The following PPP1R12B variants were observed in gnomAD, a reference collection of about 807,000 sequenced individuals.
PPP1R12B encodes protein phosphatase 1 regulatory subunit 12B.
Under a neutral mutation model 126.1 loss-of-function variants are expected in PPP1R12B, and 76 were observed. That is an observed-to-expected ratio of 0.60 (90% CI 0.50 to 0.73). The LOEUF (loss-of-function observed/expected upper bound fraction) is 0.73, where lower values mean the gene tolerates loss of function less well. Among genes scored for constraint, PPP1R12B ranks in the 30% least tolerant of loss-of-function variants. The probability of loss-of-function intolerance (pLI) is 0.00; values close to 1 mark genes in which losing one functional copy is unlikely to be tolerated. For missense variants in PPP1R12B, 1,052 were observed against 1,205.1 expected (o/e 0.87, Z 1.88); for synonymous variants, 356 against 434.7 (o/e 0.82, Z 2.25).
At chr1:202,541,722 C>A (rs1685148544) in intron 18 of PPP1R12B, among the ~76,000 whole-genome samples, 1 of 152,140 alleles carries the variant, frequency 6.6e-6, no homozygotes, top group African/African-American at 2.4e-5. Flanking sequence ...TGTTTGGTGA[C>A]CTTCCCCCAT....
intron 9 of PPP1R12B, among the ~76,000 whole-genome samples, chr1:202,437,102 C>T (rs907390729): frequency 2.0e-5 from 3 of 152,042 alleles, no homozygotes; most frequent in South Asian, 2.1e-4. Context: ...GGCTGAGATG[C>T]GAGGATTGCT....
chr1:202,500,286 C>T (rs1680070482), intron 18 of PPP1R12B, among the ~76,000 whole-genome samples: 1 of 151,848 alleles, frequency 6.6e-6, no homozygotes, highest in South Asian at 2.1e-4. Flanking sequence ...ATATCTGCAC[C>T]CCTATGTTTA....
At chr1:202,523,093 CCATG>C (rs1230564053) in intron 18 of PPP1R12B, among the ~76,000 whole-genome samples, 2 of 152,118 alleles carry the variant, frequency 1.3e-5, no homozygotes, top group African/African-American at 4.8e-5. Context: ...TGTATTGTGA[CCATG>C]CTAAATGAAA....
chr1:202,425,488 T>G, intron 3 of PPP1R12B, 78 bp from the exon 4 acceptor site: 1 of 1,467,956 alleles, frequency 6.8e-7, no homozygotes, highest in Non-Finnish European at 9.4e-7. Context: ...TATGATGTGC[T>G]TTAATCTAAG....
chr1:202,463,399 A>G (rs1184348692), intron 13 of PPP1R12B, among the ~76,000 whole-genome samples: 1 of 152,202 alleles, frequency 6.6e-6, no homozygotes, highest in Non-Finnish European at 1.5e-5. Context: ...TGGCACTGTT[A>G]TTCTTAAGTT....
intron 2 of PPP1R12B, among the ~76,000 whole-genome samples, chr1:202,420,174 C>T (rs1668569025): frequency 6.6e-6 from 1 of 152,076 alleles, no homozygotes; most frequent in Non-Finnish European, 1.5e-5. Context: ...AAATTAGGGT[C>T]CCAAGTTTTT....
chr1:202,440,627 T>C (rs1163760255), intron 10 of PPP1R12B, 79 bp from the exon 11 acceptor site: 3 of 1,043,386 alleles, frequency 2.9e-6, no homozygotes, highest in African/African-American at 3.2e-5. Flanking sequence ...GTATATTAAG[T>C]TCTGCTTTTT....
At chr1:202,462,199 T>A (rs536827127) in intron 13 of PPP1R12B, among the ~76,000 whole-genome samples, 1 of 152,180 alleles carries the variant, frequency 6.6e-6, no homozygotes, top group Non-Finnish European at 1.5e-5. Context: ...AAAAATAACA[T>A]TAGTACTGTT....
intron 13 of PPP1R12B, among the ~76,000 whole-genome samples, chr1:202,451,794 G>T (rs576919745): frequency 2.6e-5 from 4 of 151,290 alleles, no homozygotes; most frequent in Non-Finnish European, 4.4e-5. Context: ...CTGGCAGGGT[G>T]GGGGCTGACC....
rs1321775992 is a variant in PPP1R12B, at chr1:202,565,820, A to G, written c.2757+1273A>G. Reference sequence around the variant, plus strand: ...AGGTTTCTAAATCTAAAAGAGAAAAATACACACATAGCTATAGCCCTGCCA... The same window carrying G: ...AGGTTTCTAAATCTAAAAGAGAAAAGTACACACATAGCTATAGCCCTGCCA... On this transcript the variant is annotated intron_variant, in intron 21 of 23. Coordinates refer to ENST00000608999, the MANE Select transcript of PPP1R12B (RefSeq NM_002481.4). The surrounding 1 kb of genome is among the most constrained non-coding windows in gnomAD (Gnocchi z 4.3). Among the ~76,000 whole-genome samples the G allele has an allele frequency of 6.6e-6, 1 of 152,154 alleles. No individual in the cohort carries two copies. The highest frequency in any genetic ancestry group is 2.4e-5 in the African/African-American group (1 of 41,428).
intron 13 of PPP1R12B, among the ~76,000 whole-genome samples, chr1:202,470,137 G>T (rs1163302793): frequency 6.6e-6 from 1 of 152,160 alleles, no homozygotes; most frequent in Admixed American, 6.5e-5. Flanking sequence ...TCGTAATACA[G>T]AGAGTCCACC....
intron 18 of PPP1R12B, among the ~76,000 whole-genome samples, chr1:202,530,644 G>A (rs188254459): frequency 8.5e-5 from 13 of 152,228 alleles, no homozygotes; most frequent in African/African-American, 3.1e-4. Flanking sequence ...GCAAGATTGG[G>A]AACATTTTGT....
rs755122354 is a variant in PPP1R12B at position 202,569,132 on chromosome 1, A to T, written c.2812-15A>T. The T allele has an allele frequency of 1.9e-6, 3 of 1,611,506 alleles. No homozygotes were observed. The highest frequency in any genetic ancestry group is 2.5e-6 in the Non-Finnish European group (3 of 1,177,796). On this transcript the variant is annotated splice_polypyrimidine_tract_variant and intron_variant, in intron 22 of 23. Transcript: ENST00000608999. ...GAATTCAATAATGTTCAACAGTCTC[A>T]TTGTTCCGAAACAGGAGAGGCGAGC...
intron 18 of PPP1R12B, among the ~76,000 whole-genome samples, chr1:202,510,999 A>G (rs12093711): frequency 6.8e-6 from 1 of 146,482 alleles, no homozygotes; most frequent in East Asian, 1.9e-4. Flanking sequence ...AAATTTATAC[A>G]ATAATTTAAA....
intron 9 of PPP1R12B, among the ~76,000 whole-genome samples, chr1:202,436,002 A>G (rs995007867): frequency 1.3e-5 from 2 of 152,274 alleles, no homozygotes; most frequent in South Asian, 4.1e-4. Flanking sequence ...GCTCACACCT[A>G]TAATCTCAGC....
At chr1:202,556,845 A>G (rs896891795) in intron 18 of PPP1R12B, among the ~76,000 whole-genome samples, 1 of 152,214 alleles carries the variant, frequency 6.6e-6, no homozygotes, top group African/African-American at 2.4e-5. Context: ...TTCAGGCTCA[A>G]TTATTCACAA....
intron 12 of PPP1R12B, chr1:202,443,022 A>G (rs1671823402): frequency 2.3e-6 from 2 of 851,664 alleles, no homozygotes; most frequent in Non-Finnish European, 2.8e-6. Flanking sequence ...AAGAAGTTTC[A>G]TACTGAAGCC....
intron 14 of PPP1R12B, 101 bp downstream of exon 14, chr1:202,488,724 AACACACAC>A (rs141532496): frequency 3.1e-6 from 3 of 952,500 alleles, no homozygotes; most frequent in East Asian, 2.9e-5. Flanking sequence ...TGCTGATTTA[AACACACAC>A]ACACACACAC....
intron 21 of PPP1R12B, 64 bp downstream of exon 21, chr1:202,564,611 T>C: frequency 7.5e-7 from 1 of 1,337,764 alleles, no homozygotes. Context: ...CAAACTAGAC[T>C]AGGGATCTAA....
Sources: allele counts gnomAD v4.1 joint callset (sites outside exome capture counted in the v4.1 genomes callset), GRCh38; gene constraint gnomAD v4.1.1; non-coding constraint Gnocchi (gnomAD v3.1); transcripts MANE v1.5; gene names NCBI Gene and HGNC (gene_info 2026-07-23, HGNC 2026-07-21).